EPHA3: variants seen among roughly 807,000 people sequenced by gnomAD.
The protein encoded by EPHA3 is ephrin type-A receptor 3.
In EPHA3, 42 loss-of-function variants were observed where a neutral mutation model predicts 107.1. That is an observed-to-expected ratio of 0.39 (90% confidence interval 0.31 to 0.51). The LOEUF (loss-of-function observed/expected upper bound fraction) is 0.51. Ranked by LOEUF, EPHA3 falls within the 20% of genes least tolerant of loss-of-function variation. The probability of loss-of-function intolerance (pLI) is 0.78; values close to 1 mark genes in which losing one functional copy is unlikely to be tolerated. For synonymous variants in EPHA3, 461 were observed against 424.8 expected (o/e 1.09, Z -1.05); for missense variants, 1,183 against 1,211.2 (o/e 0.98, Z 0.35).
At chr3:89,285,249 A>T (rs1204955133) in intron 3 of EPHA3, among the ~76,000 whole-genome samples, 5 of 152,188 alleles carry the variant, frequency 3.3e-5, no homozygotes, top group African/African-American at 1.2e-4. Flanking sequence ...CTAATGATCC[A>T]TCTCTCTCAA....
chr3:89,366,123 A>G (rs1361985296), intron 5 of EPHA3, among the ~76,000 whole-genome samples: 1 of 150,752 alleles, frequency 6.6e-6, no homozygotes, highest in African/African-American at 2.4e-5. Flanking sequence ...GATTAAAACC[A>G]GAATAATTAA....
At chr3:89,119,033 A>C (rs1450338406) in intron 1 of EPHA3, among the ~76,000 whole-genome samples, 1 of 152,044 alleles carries the variant, frequency 6.6e-6, no homozygotes, top group Non-Finnish European at 1.5e-5. Flanking sequence ...GCTTTGCTTA[A>C]GTTCATGTGG....
chr3:89,399,227 A>G lies in EPHA3; in HGVS notation c.1432-91A>G, dbSNP rs1708908250. 2.6e-6 allele frequency: 3 copies of G among 1,160,184 alleles called. No individual in the cohort carries two copies. The Admixed American group carries it at 7.2e-5, about 28-fold the overall frequency. The allele number at this position is 1,160,184 out of a possible 1,614,324, so 71.9% of individuals were successfully genotyped here. ...ATCCTATGATTTGTGTTAAAATATAAAAGAATCAGGTTTGAGTGGTTCACT... is the reference window on the plus strand; with the variant it reads ...ATCCTATGATTTGTGTTAAAATATAGAAGAATCAGGTTTGAGTGGTTCACT... On this transcript the variant is annotated intron_variant, in intron 6 of 16. Coordinates refer to ENST00000336596, the MANE Select transcript of EPHA3 (RefSeq NM_005233.6).
chr3:89,380,744 C>CTCTT (rs1279988991), intron 5 of EPHA3, among the ~76,000 whole-genome samples: 1 of 150,098 alleles, frequency 6.7e-6, no homozygotes, highest in Admixed American at 6.7e-5. Context: ...TAAACTGTGA[C>CTCTT]TCTTTAAACA....
chr3:89,277,249 C>T (rs1705828684), intron 3 of EPHA3, among the ~76,000 whole-genome samples: 1 of 152,052 alleles, frequency 6.6e-6, no homozygotes, highest in African/African-American at 2.4e-5. Context: ...TACTGTAATT[C>T]TGAATTTTAA....
At chr3:89,379,632 CTG>C (rs1402318420) in intron 5 of EPHA3, among the ~76,000 whole-genome samples, 7 of 152,138 alleles carry the variant, frequency 4.6e-5, no homozygotes, top group Admixed American at 1.3e-4. Flanking sequence ...AAAACAAAGA[CTG>C]TGCTCTTTAA....
chr3:89,324,603 A>G (rs1249513849), intron 3 of EPHA3, among the ~76,000 whole-genome samples: 1 of 152,048 alleles, frequency 6.6e-6, no homozygotes, highest in Non-Finnish European at 1.5e-5. Context: ...AAGGTATACA[A>G]TGTGACAATT....
intron 3 of EPHA3, among the ~76,000 whole-genome samples, chr3:89,251,297 T>C (rs991333434): frequency 6.6e-6 from 1 of 152,066 alleles, no homozygotes; most frequent in African/African-American, 2.4e-5. Context: ...GGAAATCACC[T>C]ACCTGGGGGA....
chr3:89,216,402 G>C (rs1042110392), intron 3 of EPHA3, among the ~76,000 whole-genome samples: 1 of 151,798 alleles, frequency 6.6e-6, no homozygotes, highest in African/African-American at 2.4e-5. Context: ...CCAAGAAAAA[G>C]ACATATCTAA....
At chr3:89,255,233 G>A (rs906126998) in intron 3 of EPHA3, among the ~76,000 whole-genome samples, 3 of 152,064 alleles carry the variant, frequency 2.0e-5, no homozygotes, top group East Asian at 1.9e-4. Flanking sequence ...TTTATTACAC[G>A]TATGACCACA....
intron 5 of EPHA3, among the ~76,000 whole-genome samples, chr3:89,381,323 T>C (rs1376898549): frequency 2.0e-5 from 3 of 151,898 alleles, no homozygotes; most frequent in South Asian, 2.1e-4. Flanking sequence ...GAGTGCATCA[T>C]AGACGTCTTT....
At chr3:89,425,057 T>G (rs1438093878) in intron 11 of EPHA3, among the ~76,000 whole-genome samples, 1 of 151,368 alleles carries the variant, frequency 6.6e-6, no homozygotes, top group African/African-American at 2.4e-5. Context: ...GTGGTAGGTG[T>G]TGGATTTAGA....
intron 3 of EPHA3, among the ~76,000 whole-genome samples, chr3:89,220,758 T>G (rs1704352839): frequency 6.6e-6 from 1 of 152,226 alleles, no homozygotes; most frequent in Admixed American, 6.5e-5. Flanking sequence ...GTAGATGTGG[T>G]TCTATTCCAG....
intron 3 of EPHA3, among the ~76,000 whole-genome samples, chr3:89,228,376 T>A (rs1704548395): frequency 6.6e-6 from 1 of 151,918 alleles, no homozygotes; most frequent in African/African-American, 2.4e-5. Flanking sequence ...AAGGATTAAT[T>A]TCCTGGTATT....
chr3:89,130,939 A>G (rs1012392253), intron 2 of EPHA3, among the ~76,000 whole-genome samples: 3 of 152,134 alleles, frequency 2.0e-5, no homozygotes, highest in Non-Finnish European at 2.9e-5. Flanking sequence ...CCCGGTCCCT[A>G]TCTCCATTTT....
chr3:89,319,247 G>T (rs1486997600), intron 3 of EPHA3, among the ~76,000 whole-genome samples: 2 of 151,964 alleles, frequency 1.3e-5, no homozygotes, highest in Non-Finnish European at 2.9e-5. Context: ...GAGAAGAGAA[G>T]TAGGAGCAGA....
At chr3:89,281,008 TTTA>T (rs1559630771) in intron 3 of EPHA3, among the ~76,000 whole-genome samples, 67 of 149,620 alleles carry the variant, frequency 4.5e-4, no homozygotes, top group African/African-American at 9.3e-4. Flanking sequence ...ATTTTTATTA[TTTA>T]TTTATTTATT....
chr3:89,274,785 G>A (rs1460313895), intron 3 of EPHA3, among the ~76,000 whole-genome samples: 1 of 151,884 alleles, frequency 6.6e-6, no homozygotes, highest in Non-Finnish European at 1.5e-5. Context: ...AGAAAAGGCA[G>A]ATTAACCAAA....
intron 2 of EPHA3, among the ~76,000 whole-genome samples, chr3:89,132,401 C>T (rs1463139874): frequency 1.3e-5 from 2 of 152,130 alleles, no homozygotes; most frequent in African/African-American, 4.8e-5. Flanking sequence ...GAGGCTATGG[C>T]TATGGCATAA....
Sources: allele counts gnomAD v4.1 joint callset (sites outside exome capture counted in the v4.1 genomes callset), GRCh38; gene constraint gnomAD v4.1.1; transcripts MANE v1.5; gene names NCBI Gene and HGNC (gene_info 2026-07-23, HGNC 2026-07-21).